The following LYSMD4 variants were observed in gnomAD, a reference collection of about 807,000 sequenced individuals.
The protein encoded by LYSMD4 is lysM and putative peptidoglycan-binding domain-containing protein 4.
In LYSMD4, 9 loss-of-function variants were observed where a neutral mutation model predicts 6.1. The ratio of observed to expected loss-of-function variants is 1.47; its 90% CI spans 0.88 to 2.56. The LOEUF is 2.56. LYSMD4 is among the 30% of genes most tolerant of loss of function. LYSMD4 has a pLI of 0.00. For missense variants in LYSMD4, 384 were observed against 373.5 expected (o/e 1.03, Z -0.23); for synonymous variants, 143 against 148.5 (o/e 0.96, Z 0.27).
At chr15:99,724,101 C>G (rs930539970), downstream of LYSMD4, among the ~76,000 whole-genome samples, 6 of 151,068 alleles carry the variant, frequency 4.0e-5, 1 homozygote, top group Non-Finnish European at 5.9e-5. Flanking sequence ...TGAAAAGAAC[C>G]ATCCACTGCC....
chr15:99,731,311 C>T, intron 2 of LYSMD4: 1 of 1,601,852 alleles, frequency 6.2e-7, no homozygotes, highest in Non-Finnish European at 8.5e-7. Flanking sequence ...TAAGCTACCA[C>T]CAAGAAAGGT....
upstream of LYSMD4, among the ~76,000 whole-genome samples, chr15:99,721,531 G>A (rs1168243617): frequency 1.3e-5 from 2 of 152,202 alleles, no homozygotes; most frequent in African/African-American, 4.8e-5. Flanking sequence ...GTTTCACAGT[G>A]CATGGAATTT....
chr15:99,723,984 C>T (rs560399470), downstream of LYSMD4, among the ~76,000 whole-genome samples: 90 of 151,122 alleles, frequency 6.0e-4, no homozygotes, highest in Non-Finnish European at 1.1e-3. Context: ...CCCACAGCTC[C>T]GTTTACATTT....
downstream of LYSMD4, among the ~76,000 whole-genome samples, chr15:99,724,999 G>A (rs115473977): frequency 1.5e-4 from 23 of 152,296 alleles, no homozygotes; most frequent in African/African-American, 5.5e-4. Flanking sequence ...CAAGTTGGAT[G>A]CTATCCACAC....
At chr15:99,726,783 C>G (rs1329133070), downstream of LYSMD4, among the ~76,000 whole-genome samples, 1 of 152,124 alleles carries the variant, frequency 6.6e-6, no homozygotes, top group Non-Finnish European at 1.5e-5. Flanking sequence ...AAAATATTCC[C>G]TCCCCAAAGA....
intron 1 of LYSMD4, chr15:99,732,812 A>AC (rs1857955788): frequency 6.6e-6 from 1 of 152,224 alleles, no homozygotes; most frequent in Admixed American, 6.5e-5. Flanking sequence ...CCCCAGCTCG[A>AC]CCCCCTACTC....
intron 2 of LYSMD4, chr15:99,731,093 C>A: frequency 2.2e-6 from 3 of 1,367,642 alleles, no homozygotes; most frequent in Non-Finnish European, 3.1e-6. Context: ...CCATACAAAT[C>A]TGTAGCACAG....
In LYSMD4 at chr15:99,727,694, T is replaced by A. The variant is rs1869124411; in HGVS notation, c.*1429A>T. Reference sequence around the variant, plus strand: ...GATTGAAGATGATTTAATTTGCTAATGGAACCCAGGCCAGCTGTTTTTTCA... The same window carrying A: ...GATTGAAGATGATTTAATTTGCTAAAGGAACCCAGGCCAGCTGTTTTTTCA... On this transcript the variant is annotated 3_prime_UTR_variant, in exon 3 of 3. Transcript: ENST00000684762. 1 of 152,254 alleles carries A rather than the reference T, an allele frequency of 6.6e-6. No homozygotes were observed. The highest frequency in any genetic ancestry group is 6.5e-5 in the Admixed American group (1 of 15,280). 9.4% of individuals were successfully genotyped at this position (152,254 alleles called of 1,614,324 possible).
intron 1 of LYSMD4, among the ~76,000 whole-genome samples, chr15:99,732,636 TA>T (rs143003693): frequency 0.018 from 2,695 of 152,336 alleles, 72 homozygotes; most frequent in African/African-American, 0.06. Flanking sequence ...GTCTGGTTTT[TA>T]TTTTCCCCTT....
At chr15:99,719,590 T>G (rs2059222759), upstream of LYSMD4, among the ~76,000 whole-genome samples, 1 of 152,214 alleles carries the variant, frequency 6.6e-6, no homozygotes. Flanking sequence ...GATTAGTTCA[T>G]AGACGTTTTC....
chr15:99,721,717 G>T (rs1327786418), upstream of LYSMD4, among the ~76,000 whole-genome samples: 1 of 152,094 alleles, frequency 6.6e-6, no homozygotes, highest in Admixed American at 6.5e-5. Flanking sequence ...CCCTGACCCT[G>T]GCCTATGATA....
downstream of LYSMD4, among the ~76,000 whole-genome samples, chr15:99,726,958 A>G (rs1416014344): frequency 6.6e-6 from 1 of 152,214 alleles, no homozygotes; most frequent in African/African-American, 2.4e-5. Context: ...CCTCGGGCAC[A>G]GTACAAGCCC....
At chr15:99,731,249 A>G in intron 2 of LYSMD4, 1 of 1,606,528 alleles carries the variant, frequency 6.2e-7, no homozygotes, top group Non-Finnish European at 8.5e-7. Context: ...ACAGCATACA[A>G]AAGACCATGC....
At chr15:99,721,327 G>A (rs1328405745), upstream of LYSMD4, among the ~76,000 whole-genome samples, 2 of 152,150 alleles carry the variant, frequency 1.3e-5, no homozygotes, top group Non-Finnish European at 2.9e-5. Context: ...GAGGAGGGAG[G>A]AGCACTGATC....
rs776842951 is a variant in LYSMD4, at chr15:99,729,303, C to A, written c.711G>T (p.Leu237Phe). 1.2e-6 allele frequency: 2 copies of A among 1,614,122 alleles called. No homozygotes were observed. Among genetic ancestry groups the A allele is most frequent in the East Asian group, 4.5e-5 (2 of 44,880 alleles). The stretch of plus-strand genomic sequence containing the variant: ...CACTAGCTTGTATTTTAAAGTAGAC[C>A]AAATAAAAGACAGGCAAGACAATAC... ...LIGIVLPVFY[L>F]VYFKIQASGE... The change falls in exon 3 of 3, where the codon TTG becomes TTT. Residue 237 changes from leucine to phenylalanine, a missense_variant. Physicochemically the swap from Leu to Phe is conservative, Grantham distance 22. Coordinates refer to ENST00000684762, the MANE Select transcript of LYSMD4 (RefSeq NM_001284417.2).
downstream of LYSMD4, among the ~76,000 whole-genome samples, chr15:99,724,940 G>A (rs554063122): frequency 1.3e-5 from 2 of 152,322 alleles, no homozygotes; most frequent in East Asian, 1.9e-4. Context: ...GGAGCAAGGA[G>A]GCTGCCCTTC....
At chr15:99,720,847 C>CT (rs1246361590), upstream of LYSMD4, 10 of 152,338 alleles carry the variant, frequency 6.6e-5, no homozygotes, top group African/African-American at 2.4e-4. Context: ...GTGCCCTTAT[C>CT]TAAGTCCAAG....
At chr15:99,733,320 G>C (rs1190274264) in intron 1 of LYSMD4, 25 bp downstream of exon 1, 1 of 391,514 alleles carries the variant, frequency 2.6e-6, no homozygotes, top group Non-Finnish European at 4.5e-6. Flanking sequence ...GCCAGACCGC[G>C]GCCCCCTCGT....
At chr15:99,725,703 G>A (rs192112340), downstream of LYSMD4, among the ~76,000 whole-genome samples, 42 of 152,212 alleles carry the variant, frequency 2.8e-4, no homozygotes, top group Non-Finnish European at 1.3e-4. Flanking sequence ...TACCCCAAGT[G>A]GGCCAGTAGA....
Sources: allele counts gnomAD v4.1 joint callset (sites outside exome capture counted in the v4.1 genomes callset), GRCh38; gene constraint gnomAD v4.1.1; transcripts MANE v1.5; gene names NCBI Gene and HGNC (gene_info 2026-07-23, HGNC 2026-07-21).